SH3RF3: variants seen among roughly 807,000 people sequenced by gnomAD.
SH3RF3 encodes the protein SH3 domain containing ring finger 3.
A neutral mutation model predicts 66.3 loss-of-function variants in SH3RF3; 29 were observed. The ratio of observed to expected loss-of-function variants is 0.44; its 90% confidence interval spans 0.33 to 0.60. The LOEUF is 0.60. Ranked by LOEUF, SH3RF3 falls within the 20% of genes least tolerant of loss-of-function variation. The pLI, the probability that SH3RF3 is intolerant of heterozygous loss-of-function variation, is 0.04. For missense variants in SH3RF3, 1,194 were observed against 1,190.9 expected, an observed-to-expected ratio of 1.00 and a Z score of -0.04; for synonymous variants, 583 against 532.0, an observed-to-expected ratio of 1.10 and a Z score of -1.32.
At chr2:109,389,436 A>T (rs1030546452) in intron 3 of SH3RF3, among the ~76,000 whole-genome samples, 3 of 152,204 alleles carry the variant, frequency 2.0e-5, no homozygotes, top group Admixed American at 6.5e-5. Context: ...ATACCGCATG[A>T]GTGTGTGAGC....
chr2:109,487,396 G>C (rs542716991), intron 8 of SH3RF3, among the ~76,000 whole-genome samples: 1 of 152,170 alleles, frequency 6.6e-6, no homozygotes, highest in Non-Finnish European at 1.5e-5. Flanking sequence ...TGAGCATGAC[G>C]ATTGTTAGTA....
intron 5 of SH3RF3, among the ~76,000 whole-genome samples, chr2:109,423,864 C>T (rs1676957223): frequency 6.6e-6 from 1 of 152,204 alleles, no homozygotes; most frequent in Admixed American, 6.5e-5. Context: ...CTGCCGCCTG[C>T]ACCTCTAGAG....
chr2:109,333,488 G>T (rs937776769), intron 1 of SH3RF3, among the ~76,000 whole-genome samples: 5 of 152,192 alleles, frequency 3.3e-5, no homozygotes, highest in Non-Finnish European at 7.3e-5. Flanking sequence ...TACAAAGTGA[G>T]GTTTCACGTA....
chr2:109,347,938 A>T lies in SH3RF3; in HGVS notation c.838A>T (p.Thr280Ser), dbSNP rs1559036411. Residue 280 changes from threonine (T) to serine (S), a missense_variant, in exon 2 of 10, where the codon ACC (threonine) becomes TCC (serine). Transcript: ENST00000309415. ...KDKDQDKDCL[T>S]FTKDEILTVL... Reference sequence around the variant, plus strand: ...CAAAGACCAAGACAAGGACTGTCTGACCTTCACCAAGGTAAGGTGAGCCCC... The same window carrying T: ...CAAAGACCAAGACAAGGACTGTCTGTCCTTCACCAAGGTAAGGTGAGCCCC... 6.2e-7 allele frequency: 1 copy of T among 1,603,320 alleles called. No homozygotes were observed. Among genetic ancestry groups the T allele is most frequent in the East Asian group, 2.3e-5 (1 of 44,310 alleles).
chr2:109,368,708 TAAAAA>T (rs372666198), intron 2 of SH3RF3, among the ~76,000 whole-genome samples: 1 of 136,810 alleles, frequency 7.3e-6, no homozygotes, highest in African/African-American at 2.7e-5. Context: ...GTATTTTCTT[TAAAAA>T]AAAAAAAAAA....
chr2:109,409,472 C>A (rs1676531404), intron 4 of SH3RF3, among the ~76,000 whole-genome samples: 2 of 152,188 alleles, frequency 1.3e-5, no homozygotes, highest in African/African-American at 4.8e-5. Context: ...GGGCCAGATC[C>A]AACCTGTGGG....
intron 1 of SH3RF3, among the ~76,000 whole-genome samples, chr2:109,179,003 A>ATAATGTGTGTGTGTG (rs764622844): frequency 7.0e-6 from 1 of 142,066 alleles, no homozygotes. Context: ...AAGTATAATA[A>ATAATGTGTGTGTGTG]TGTGTGTGTG....
chr2:109,434,497 T>A (rs1677344568), intron 6 of SH3RF3, among the ~76,000 whole-genome samples: 1 of 152,216 alleles, frequency 6.6e-6, no homozygotes, highest in Non-Finnish European at 1.5e-5. Context: ...CTGACGTGTG[T>A]CAGTCAGTGT....
intron 7 of SH3RF3, among the ~76,000 whole-genome samples, chr2:109,441,473 A>G (rs146539281): frequency 1.8e-4 from 28 of 152,360 alleles, no homozygotes; most frequent in African/African-American, 6.3e-4. Flanking sequence ...AAACTTGAAG[A>G]TATAGTAATA....
chr2:109,406,529 C>A (rs972050805), intron 4 of SH3RF3, among the ~76,000 whole-genome samples: 1 of 152,132 alleles, frequency 6.6e-6, no homozygotes, highest in Admixed American at 6.5e-5. Flanking sequence ...GCTCTACCAT[C>A]CTCACCTGGG....
chr2:109,207,641 T>G (rs1298616591), intron 1 of SH3RF3, among the ~76,000 whole-genome samples: 1 of 152,146 alleles, frequency 6.6e-6, no homozygotes, highest in Non-Finnish European at 1.5e-5. Context: ...AGGGGTGCAG[T>G]TGCTGTATGA....
At chr2:109,263,804 A>G (rs943266855) in intron 1 of SH3RF3, among the ~76,000 whole-genome samples, 2 of 152,066 alleles carry the variant, frequency 1.3e-5, no homozygotes, top group East Asian at 1.9e-4. Flanking sequence ...GTCTCTACTA[A>G]AAAAATACAA....
chr2:109,171,362 A>G (rs6722729), intron 1 of SH3RF3, among the ~76,000 whole-genome samples: 7,304 of 152,302 alleles, frequency 0.048, 467 homozygotes, highest in East Asian at 0.33. Context: ...CTCTATACAA[A>G]ATGATGGCTA....
intron 1 of SH3RF3, among the ~76,000 whole-genome samples, chr2:109,294,573 T>A (rs376854492): frequency 6.7e-5 from 9 of 135,122 alleles, no homozygotes; most frequent in Middle Eastern, 3.6e-3. Context: ...AAAAAAAAAA[T>A]TAATTAAAAA....
chr2:109,401,205 C>T (rs1472219932), intron 4 of SH3RF3, among the ~76,000 whole-genome samples: 1 of 152,202 alleles, frequency 6.6e-6, no homozygotes. Flanking sequence ...ATAACTTTGG[C>T]CCAGAGCTGG....
intron 3 of SH3RF3, among the ~76,000 whole-genome samples, chr2:109,384,776 T>C (rs1386915767): frequency 6.6e-6 from 1 of 152,136 alleles, no homozygotes; most frequent in Non-Finnish European, 1.5e-5. Flanking sequence ...GCTCTGGTCA[T>C]AGGGAACCCA....
At chr2:109,181,648 G>C (rs1471111647) in intron 1 of SH3RF3, among the ~76,000 whole-genome samples, 3 of 152,094 alleles carry the variant, frequency 2.0e-5, no homozygotes, top group Non-Finnish European at 4.4e-5. Flanking sequence ...GCCTGTTGCC[G>C]AACACACCAA....
chr2:109,427,964 A>G (rs1677080743), intron 5 of SH3RF3, among the ~76,000 whole-genome samples: 1 of 152,240 alleles, frequency 6.6e-6, no homozygotes, highest in East Asian at 1.9e-4. Flanking sequence ...CCCTGCCTGC[A>G]GCTCCTGGTC....
intron 8 of SH3RF3, among the ~76,000 whole-genome samples, chr2:109,451,345 A>G (rs1677860934): frequency 6.6e-6 from 1 of 152,126 alleles, no homozygotes; most frequent in Non-Finnish European, 1.5e-5. Flanking sequence ...TCACAGTCCT[A>G]CCCTCTCACT....
Sources: gnomAD v4.1 joint callset for allele counts (sites outside exome capture counted in the v4.1 genomes callset) on GRCh38, gnomAD v4.1.1 for gene constraint, MANE v1.5 for transcripts, NCBI Gene and HGNC (gene_info 2026-07-23, HGNC 2026-07-21) for gene names.